Variants in ORC1 observed in about 807,000 individuals in gnomAD.
The protein encoded by ORC1 is origin recognition complex, subunit 1 homolog.
In ORC1, 61 loss-of-function variants were observed where a neutral mutation model predicts 98.9. The observed-to-expected ratio is 0.62, with a 90% CI of 0.50 to 0.76. The LOEUF (loss-of-function observed/expected upper bound fraction) is 0.76, where lower values mean the gene tolerates loss of function less well. ORC1 is among the 30% of genes least tolerant of loss of function. The pLI is 0.00. For synonymous variants in ORC1, 385 were observed against 406.9 expected, an observed-to-expected ratio of 0.95 and a Z score of 0.65; for missense variants, 979 against 1,072.2, an observed-to-expected ratio of 0.91 and a Z score of 1.21.
intron 10 of ORC1, 132 bp from the exon 11 acceptor site, chr1:52,384,853 G>A: frequency 1.2e-6 from 1 of 801,460 alleles, no homozygotes; most frequent in Non-Finnish European, 2.1e-6. Context: ...GGGCAGTAGG[G>A]ACCATCCTTG....
chr1:52,396,636 A>G (rs1362845041), intron 4 of ORC1, among the ~76,000 whole-genome samples: 2 of 152,142 alleles, frequency 1.3e-5, no homozygotes, highest in Non-Finnish European at 2.9e-5. Context: ...AAAAATGTTT[A>G]TTGTTCATCT....
chr1:52,395,018 A>T (rs1177932039), intron 5 of ORC1, among the ~76,000 whole-genome samples: 1 of 152,168 alleles, frequency 6.6e-6, no homozygotes, highest in African/African-American at 2.4e-5. Context: ...TAAATGTTTT[A>T]TACATTTATA....
intron 6 of ORC1, among the ~76,000 whole-genome samples, chr1:52,391,513 T>C (rs1467822145): frequency 3.9e-5 from 6 of 152,060 alleles, no homozygotes; most frequent in Non-Finnish European, 8.8e-5. Context: ...GAGAAAATAT[T>C]TGCAAACTAT....
chr1:52,384,846 C>T, intron 10 of ORC1, 125 bp from the exon 11 acceptor site: 1 of 820,818 alleles, frequency 1.2e-6, no homozygotes, highest in Non-Finnish European at 2.0e-6. Context: ...GAGGTGGGGG[C>T]AGTAGGGACC....
intron 5 of ORC1, among the ~76,000 whole-genome samples, chr1:52,394,154 A>G (rs1317613936): frequency 2.0e-5 from 3 of 152,218 alleles, no homozygotes; most frequent in Admixed American, 2.0e-4. Flanking sequence ...ACTCAATGAC[A>G]TTTGAAGAGA....
In ORC1 at chr1:52,381,766, G is replaced by A. The variant is rs1293793229; in HGVS notation, c.2014-5C>T. 2 of 1,612,552 alleles carry A rather than the reference G, an allele frequency of 1.2e-6. No homozygotes were observed. The highest frequency in any genetic ancestry group is 2.2e-5 in the East Asian group (1 of 44,816). On this transcript the variant is annotated splice_polypyrimidine_tract_variant and splice_region_variant and intron_variant, in intron 13 of 16. Coordinates refer to ENST00000371568, the MANE Select transcript of ORC1 (RefSeq NM_004153.4). ...GAAGCACATCCTGGTAAGACCCTGG[G>A]GAGCCAAAATGACAGAGGAATAAGT...
chr1:52,403,418 A>G (rs1356099969), intron 1 of ORC1, among the ~76,000 whole-genome samples: 2 of 152,262 alleles, frequency 1.3e-5, no homozygotes, highest in African/African-American at 4.8e-5. Context: ...CGGCAGATTC[A>G]CAAACCTCCT....
rs900605952 is a variant in ORC1, at chr1:52,385,231, G to C, written c.1513C>G (p.Pro505Ala). 1 of 1,613,900 alleles carries C rather than the reference G, an allele frequency of 6.2e-7. No homozygotes were observed. Among genetic ancestry groups the C allele is most frequent in the Non-Finnish European group, 8.5e-7 (1 of 1,179,750 alleles). ...TCTTGGAATTCCTGTTCCCGACAGG[G>C]AAGAGACTCAGGTACAGCAGAAACA... ...LHVSAVPESL[P>A]CREQEFQDIY... Residue 505 changes from proline to alanine, a missense_variant, in exon 10 of 17, where the codon CCC (proline) becomes GCC (alanine). Coordinates refer to ENST00000371568, the MANE Select transcript of ORC1 (RefSeq NM_004153.4).
chr1:52,393,604 G>A lies in ORC1; in HGVS notation c.921C>T (p.Asp307=). ...RETGLSYTED[D]KKASPEHRII... is the part of the protein sequence containing the mutation. Reference sequence around the variant, plus strand: ...TGCGATGTTCAGGTGAAGCCTTCTTGTCATCCTCAGTATAAGAGAGTCCAG... The same window carrying A: ...TGCGATGTTCAGGTGAAGCCTTCTTATCATCCTCAGTATAAGAGAGTCCAG... The change falls in exon 6 of 17, where the codon GAC becomes GAT. Residue 307 remains aspartate (D), a synonymous_variant. Coordinates refer to ENST00000371568, the MANE Select transcript of ORC1 (RefSeq NM_004153.4). 7 of 1,614,160 alleles carry A rather than the reference G, an allele frequency of 4.3e-6. No homozygotes were observed. Among genetic ancestry groups the A allele is most frequent in the African/African-American group, 1.3e-5 (1 of 75,044 alleles).
chr1:52,391,933 C>T, intron 6 of ORC1, among the ~76,000 whole-genome samples: 1 of 150,232 alleles, frequency 6.7e-6, no homozygotes, highest in Non-Finnish European at 1.5e-5. Context: ...AAAAAGTAGG[C>T]AAAGGACATG....
At position 52,402,216 on chromosome 1, in the gene ORC1, T is replaced by A. The variant is rs146333732; in HGVS notation, c.8A>T (p.His3Leu). The change falls in exon 2 of 17, where the codon CAC becomes CTC. Residue 3 changes from histidine (H) to leucine (L), a missense_variant. Physicochemically the swap from His to Leu is moderately conservative, Grantham distance 99. Coordinates refer to ENST00000371568, the MANE Select transcript of ORC1 (RefSeq NM_004153.4). The stretch of plus-strand genomic sequence containing the variant: ...TCTGGTCTTCAGCCTTGTGGGGTAG[T>A]GTGCCATGGCTTCTGTGGAAGAGTC... MA[H>L]YPTRLKTRKT... 6.2e-7 allele frequency: 1 copy of A among 1,614,000 alleles called. No individual in the cohort carries two copies. Among genetic ancestry groups the A allele is most frequent in the Non-Finnish European group, 8.5e-7 (1 of 1,179,856 alleles).
At chr1:52,401,261 A>C in intron 3 of ORC1, 101 bp downstream of exon 3, 2 of 1,445,464 alleles carry the variant, frequency 1.4e-6, no homozygotes, top group Non-Finnish European at 1.9e-6. Context: ...ACCTCAGTCT[A>C]ATGTGCCCTG....
chr1:52,388,468 T>C lies in ORC1; in HGVS notation c.1357A>G (p.Thr453Ala), dbSNP rs748467133. The C allele has an allele frequency of 5.6e-6, 9 of 1,613,954 alleles. No homozygotes were observed. Among genetic ancestry groups the C allele is most frequent in the Non-Finnish European group, 7.6e-6 (9 of 1,179,942 alleles). The change falls in exon 8 of 17, where the codon ACC becomes GCC. Residue 453 changes from threonine (T) to alanine (A), a missense_variant. Coordinates refer to ENST00000371568, the MANE Select transcript of ORC1 (RefSeq NM_004153.4). ...CTCTTCTTTGGCACCTTCGTGAGGG[T>C]ATGTAAGGATGACTTCAAGGAAGAT... ...LRSSLKSSLHTLTKVPKKSLK... is the reference protein window; with the variant it reads ...LRSSLKSSLHALTKVPKKSLK...
chr1:52,389,916 G>A (rs1647187625), intron 6 of ORC1, among the ~76,000 whole-genome samples: 1 of 152,050 alleles, frequency 6.6e-6, no homozygotes, highest in African/African-American at 2.4e-5. Flanking sequence ...AAGGGCATCC[G>A]AATTAAAAAA....
intron 1 of ORC1, among the ~76,000 whole-genome samples, chr1:52,403,682 T>G (rs1380372163): frequency 6.6e-6 from 1 of 151,970 alleles, no homozygotes; most frequent in Non-Finnish European, 1.5e-5. Context: ...AAAAGAGAAG[T>G]AGGAAGGGGG....
chr1:52,383,902 C>T lies in ORC1; in HGVS notation c.1791G>A (p.Ala597=), dbSNP rs933089144. The T allele has an allele frequency of 4.3e-6, 7 of 1,614,048 alleles. No homozygotes were observed. The highest frequency in any genetic ancestry group is 5.1e-6 in the Non-Finnish European group (6 of 1,180,006). ...AGAATTGCTTTGCCAGCAGTTCTGC[C>T]GCATGGTTGGCTGTTGCTTTTTGGC... ...LTGQKATANH[A]AELLAKQFCT... is the part of the protein sequence containing the mutation. The change falls in exon 12 of 17, where the codon GCG becomes GCA. Residue 597 remains alanine, a synonymous_variant. Transcript: ENST00000371568.
chr1:52,407,743 A>C (rs762158913), upstream of ORC1, among the ~76,000 whole-genome samples: 31 of 152,120 alleles, frequency 2.0e-4, no homozygotes, highest in Non-Finnish European at 3.5e-4. Flanking sequence ...CAACATGGGG[A>C]AACCCCGTCT....
rs1361593113 is a variant in ORC1, at chr1:52,393,551, G to A, written c.974C>T (p.Ser325Leu). 1.3e-5 allele frequency: 21 copies of A among 1,614,108 alleles called. No individual in the cohort carries two copies. Among genetic ancestry groups the A allele is most frequent in the Middle Eastern group, 1.6e-4 (1 of 6,062 alleles). ...CTCCTCTCTAATGTCTATGGTTTTC[G>A]AAGCTGCAATTCGGGTTCTCAGGAT... ...RIILRTRIAA[S>L]KTIDIREERT... The change falls in exon 6 of 17, where the codon TCG (serine) becomes TTG (leucine). Residue 325 changes from serine to leucine, a missense_variant. Coordinates refer to ENST00000371568, the MANE Select transcript of ORC1 (RefSeq NM_004153.4).
intron 14 of ORC1, among the ~76,000 whole-genome samples, chr1:52,379,066 A>C (rs969104496): frequency 6.6e-6 from 1 of 152,022 alleles, no homozygotes; most frequent in Admixed American, 6.6e-5. Context: ...TAATTCTGCA[A>C]GTTAGAAAGA....
Sources: gnomAD v4.1 joint callset for allele counts (sites outside exome capture counted in the v4.1 genomes callset) on GRCh38, gnomAD v4.1.1 for gene constraint, MANE v1.5 for transcripts, NCBI Gene and HGNC (gene_info 2026-07-23, HGNC 2026-07-21) for gene names.